The following JARID2 variants were observed in gnomAD, a reference collection of about 807,000 sequenced individuals.
JARID2 encodes the protein protein Jumonji.
Under a neutral mutation model 125.6 loss-of-function variants are expected in JARID2, and 21 were observed. That is an observed-to-expected ratio of 0.17 (90% confidence interval 0.12 to 0.24). The LOEUF (loss-of-function observed/expected upper bound fraction) is 0.24, where lower values mean the gene tolerates loss of function less well. Ranked by LOEUF, JARID2 falls within the 10% of genes least tolerant of loss-of-function variation. The probability of loss-of-function intolerance (pLI) is 1.00; values close to 1 mark genes in which losing one functional copy is unlikely to be tolerated. For missense variants in JARID2, 1,303 were observed against 1,639.6 expected (o/e 0.79, Z 3.55); for synonymous variants, 736 against 661.6 (o/e 1.11, Z -1.73).
At chr6:15,309,971 G>C (rs979205982) in intron 1 of JARID2, among the ~76,000 whole-genome samples, 1 of 152,162 alleles carries the variant, frequency 6.6e-6, no homozygotes, top group African/African-American at 2.4e-5. Flanking sequence ...ATGGTACCTA[G>C]AAAGCTTCTT....
chr6:15,297,062 A>G (rs1380858761), intron 1 of JARID2, among the ~76,000 whole-genome samples: 1 of 152,244 alleles, frequency 6.6e-6, no homozygotes, highest in Non-Finnish European at 1.5e-5. Flanking sequence ...CATCTAAAAC[A>G]TCTCCATAGG....
At chr6:15,451,976 T>C in intron 3 of JARID2, 30 bp from the exon 4 acceptor site, 3 of 1,609,780 alleles carry the variant, frequency 1.9e-6, no homozygotes, top group Non-Finnish European at 2.5e-6. Context: ...CTCTGCTTAA[T>C]TTATTTTTAA....
chr6:15,287,548 G>A (rs1761050622), intron 1 of JARID2, among the ~76,000 whole-genome samples: 1 of 152,166 alleles, frequency 6.6e-6, no homozygotes, highest in African/African-American at 2.4e-5. Flanking sequence ...GGTGTGTGGC[G>A]TATATTCAAA....
chr6:15,377,796 T>G (rs1222026623), intron 2 of JARID2, among the ~76,000 whole-genome samples: 2 of 151,952 alleles, frequency 1.3e-5, no homozygotes, highest in Non-Finnish European at 2.9e-5. Context: ...CCTCCCAAAG[T>G]GCTGGGATTA....
At chr6:15,389,315 G>A (rs1194530792) in intron 2 of JARID2, among the ~76,000 whole-genome samples, 3 of 152,156 alleles carry the variant, frequency 2.0e-5, no homozygotes, top group Non-Finnish European at 2.9e-5. Flanking sequence ...ACGTGTCACC[G>A]CCTGGATGAT....
Position 15,441,821 on chromosome 6 carries a change from T to C in JARID2, c.324-10185T>C, listed in dbSNP as rs147280963. The stretch of plus-strand genomic sequence containing the variant: ...TTATTTTATTTTTGAGATGGAGTTT[T>C]GCTCTTGTTGCCCAGCCTGGAGTGC... On this transcript the variant is annotated intron_variant, in intron 3 of 17. Transcript: ENST00000341776. 7.2e-3 allele frequency among the ~76,000 whole-genome samples: 1,094 copies of C among 152,234 alleles called. 14 individuals are homozygous for C. Among genetic ancestry groups the C allele is most frequent in the African/African-American group, 0.025 (1,040 of 41,556 alleles).
intron 3 of JARID2, among the ~76,000 whole-genome samples, chr6:15,415,797 C>T (rs1435761224): frequency 1.1e-4 from 16 of 145,816 alleles, no homozygotes; most frequent in South Asian, 2.2e-4. Context: ...ACCTCCCAGA[C>T]GGGGCGGCTG....
intron 1 of JARID2, among the ~76,000 whole-genome samples, chr6:15,343,086 C>T (rs1763121842): frequency 1.3e-5 from 2 of 151,840 alleles, no homozygotes; most frequent in African/African-American, 2.4e-5. Context: ...AAAAATTAGC[C>T]GGGTGTGGTG....
At chr6:15,479,324 G>A (rs1348203727) in intron 5 of JARID2, among the ~76,000 whole-genome samples, 1 of 152,044 alleles carries the variant, frequency 6.6e-6, no homozygotes, top group African/African-American at 2.4e-5. Context: ...TGGTCTTTCT[G>A]TTGTCCTGAC....
intron 1 of JARID2, among the ~76,000 whole-genome samples, chr6:15,341,240 C>G (rs932803020): frequency 6.6e-6 from 1 of 152,162 alleles, no homozygotes; most frequent in African/African-American, 2.4e-5. Context: ...TTTTTTCTTG[C>G]TTCATGTACC....
chr6:15,483,982 A>G (rs1307201174), intron 5 of JARID2, among the ~76,000 whole-genome samples: 1 of 152,146 alleles, frequency 6.6e-6, no homozygotes, highest in African/African-American at 2.4e-5. Flanking sequence ...TTTGATTTGC[A>G]TTTCCCTTAT....
At chr6:15,334,653 G>A (rs1475019249) in intron 1 of JARID2, among the ~76,000 whole-genome samples, 1 of 152,128 alleles carries the variant, frequency 6.6e-6, no homozygotes, top group African/African-American at 2.4e-5. Context: ...TCAGGTACAG[G>A]CTGTTGTTAC....
chr6:15,301,974 A>G (rs543799196), intron 1 of JARID2, among the ~76,000 whole-genome samples: 1 of 152,368 alleles, frequency 6.6e-6, no homozygotes, highest in African/African-American at 2.4e-5. Flanking sequence ...AGAAAAGTAT[A>G]TGTCAAGAGA....
intron 1 of JARID2, among the ~76,000 whole-genome samples, chr6:15,250,928 T>A (rs1759423392): frequency 6.6e-6 from 1 of 152,214 alleles, no homozygotes; most frequent in African/African-American, 2.4e-5. Flanking sequence ...GGAACTTTTT[T>A]TTTTTTTTCA....
intron 4 of JARID2, among the ~76,000 whole-genome samples, chr6:15,466,172 G>A (rs1032314719): frequency 1.3e-4 from 20 of 152,158 alleles, no homozygotes; most frequent in African/African-American, 3.9e-4. Flanking sequence ...TGCAACAGAG[G>A]GGAGAGAGGA....
chr6:15,459,325 C>T (rs947160759), intron 4 of JARID2, among the ~76,000 whole-genome samples: 1 of 152,184 alleles, frequency 6.6e-6, no homozygotes, highest in Admixed American at 6.5e-5. Context: ...GCACATCCTC[C>T]TGTATACTTT....
At chr6:15,417,149 G>T (rs1766266803) in intron 3 of JARID2, among the ~76,000 whole-genome samples, 1 of 152,162 alleles carries the variant, frequency 6.6e-6, no homozygotes, top group Non-Finnish European at 1.5e-5. Flanking sequence ...TTTATCTGTG[G>T]GTGAGTAGGG....
chr6:15,368,359 T>C (rs572890982), intron 1 of JARID2, among the ~76,000 whole-genome samples: 2 of 152,302 alleles, frequency 1.3e-5, no homozygotes, highest in African/African-American at 4.8e-5. Flanking sequence ...TGTTTCATGG[T>C]GATGCAATAC....
chr6:15,377,193 G>A (rs1764387783), intron 2 of JARID2, among the ~76,000 whole-genome samples: 1 of 152,152 alleles, frequency 6.6e-6, no homozygotes, highest in Admixed American at 6.5e-5. Flanking sequence ...TTGGAGACTG[G>A]GAAGAAAAAG....
Sources: allele counts gnomAD v4.1 joint callset (sites outside exome capture counted in the v4.1 genomes callset), GRCh38; gene constraint gnomAD v4.1.1; transcripts MANE v1.5; gene names NCBI Gene and HGNC (gene_info 2026-07-23, HGNC 2026-07-21).